The following CNTNAP2 variants were observed in gnomAD, a reference collection of about 807,000 sequenced individuals.
The protein encoded by CNTNAP2 is contactin-associated protein-like 2.
CNTNAP2 carries 98 observed loss-of-function variants against 155.2 expected under a neutral mutation model. The ratio of observed to expected loss-of-function variants is 0.63; its 90% CI spans 0.54 to 0.75. The LOEUF (loss-of-function observed/expected upper bound fraction) is 0.75. Among genes scored for constraint, CNTNAP2 ranks in the 30% least tolerant of loss-of-function variants. The pLI is 0.00. For missense variants in CNTNAP2, 1,727 were observed against 1,688.1 expected, an observed-to-expected ratio of 1.02 and a Z score of -0.40; for synonymous variants, 651 against 631.2, an observed-to-expected ratio of 1.03 and a Z score of -0.47.
intron 15 of CNTNAP2, among the ~76,000 whole-genome samples, chr7:148,035,029 C>A (rs1031184343): frequency 2.0e-5 from 3 of 152,128 alleles, no homozygotes; most frequent in African/African-American, 7.2e-5. Flanking sequence ...ACTCGGATAT[C>A]TGGTGGAAGA....
chr7:148,183,152 G>A (rs1010706922), intron 18 of CNTNAP2, among the ~76,000 whole-genome samples: 4 of 152,300 alleles, frequency 2.6e-5, no homozygotes, highest in African/African-American at 9.6e-5. Context: ...GACTAGGCTG[G>A]GAATGCAATG....
intron 1 of CNTNAP2, among the ~76,000 whole-genome samples, chr7:146,546,703 T>A (rs1463346774): frequency 6.6e-6 from 1 of 151,892 alleles, no homozygotes; most frequent in Non-Finnish European, 1.5e-5. Context: ...AGGGGAGGCC[T>A]CACAATCATG....
intron 21 of CNTNAP2, among the ~76,000 whole-genome samples, chr7:148,330,548 C>G (rs111219426): frequency 4.3e-4 from 51 of 119,572 alleles, no homozygotes; most frequent in African/African-American, 5.3e-4. Flanking sequence ...AGATGGAGTG[C>G]ACGGATGGAT....
At chr7:146,298,296 A>T (rs949277800) in intron 1 of CNTNAP2, among the ~76,000 whole-genome samples, 17 of 152,310 alleles carry the variant, frequency 1.1e-4, no homozygotes, top group African/African-American at 4.1e-4. Context: ...TACTGTTCAC[A>T]GTGCTTGGAG....
intron 10 of CNTNAP2, among the ~76,000 whole-genome samples, chr7:147,412,981 C>T (rs1797129231): frequency 6.6e-6 from 1 of 152,180 alleles, no homozygotes; most frequent in African/African-American, 2.4e-5. Context: ...TGTACACATT[C>T]CAGAGACACT....
intron 1 of CNTNAP2, among the ~76,000 whole-genome samples, chr7:146,584,695 C>T (rs1256358999): frequency 6.6e-6 from 1 of 152,198 alleles, no homozygotes; most frequent in Non-Finnish European, 1.5e-5. Flanking sequence ...CCTGCCCCTA[C>T]ATTTCCCCTG....
Position 147,985,683 on chromosome 7 carries a change from T to C in CNTNAP2, c.2383+7694T>C, listed in dbSNP as rs77999829. On this transcript the variant is annotated intron_variant, in intron 15 of 23. Coordinates refer to ENST00000361727, the MANE Select transcript of CNTNAP2 (RefSeq NM_014141.6). ...TATTTTGGCTCCCCTAACAGTGTAC[T>C]TCTTAAAAGTAAAAACAAAATCTAA... Among the ~76,000 whole-genome samples the C allele has an allele frequency of 1.4e-4, 22 of 152,304 alleles. No individual in the cohort carries two copies. The East Asian group carries it at 4.1e-3, about 28-fold the overall frequency.
At chr7:147,575,704 T>C (rs1382049272) in intron 12 of CNTNAP2, among the ~76,000 whole-genome samples, 3 of 152,012 alleles carry the variant, frequency 2.0e-5, no homozygotes, top group Admixed American at 1.3e-4. Flanking sequence ...TCAAAACACG[T>C]ATTTTAAAAT....
intron 1 of CNTNAP2, among the ~76,000 whole-genome samples, chr7:146,453,710 A>G (rs1052667735): frequency 1.3e-5 from 2 of 152,300 alleles, no homozygotes; most frequent in East Asian, 3.9e-4. Flanking sequence ...ATGAGCGAGC[A>G]TGAAAATTAG....
At chr7:146,174,423 AT>A (rs1341389709) in intron 1 of CNTNAP2, among the ~76,000 whole-genome samples, 2 of 151,902 alleles carry the variant, frequency 1.3e-5, no homozygotes, top group Non-Finnish European at 2.9e-5. Flanking sequence ...GTTTTGCCAT[AT>A]TGGCCAGAGT....
intron 1 of CNTNAP2, among the ~76,000 whole-genome samples, chr7:146,148,985 A>G (rs1368722069): frequency 6.6e-6 from 1 of 151,492 alleles, no homozygotes; most frequent in Admixed American, 6.6e-5. Context: ...GAACAATGAG[A>G]ACACTTGGAC....
At chr7:147,620,840 T>C (rs950221458) in intron 12 of CNTNAP2, among the ~76,000 whole-genome samples, 14 of 151,864 alleles carry the variant, frequency 9.2e-5, no homozygotes, top group African/African-American at 3.1e-4. Flanking sequence ...AAAGGTATAA[T>C]AACAAAACCC....
intron 1 of CNTNAP2, among the ~76,000 whole-genome samples, chr7:146,518,807 G>A (rs1187490118): frequency 1.3e-5 from 2 of 151,794 alleles, no homozygotes; most frequent in Admixed American, 6.6e-5. Context: ...GTAGAAGAGA[G>A]TGGGTAATGT....
intron 21 of CNTNAP2, among the ~76,000 whole-genome samples, chr7:148,346,852 C>T (rs1185299468): frequency 1.3e-5 from 2 of 151,714 alleles, no homozygotes; most frequent in Non-Finnish European, 2.9e-5. Context: ...TAGAAAGATG[C>T]AATAATACTA....
intron 13 of CNTNAP2, among the ~76,000 whole-genome samples, chr7:147,666,661 T>C (rs770614187): frequency 6.6e-6 from 1 of 152,236 alleles, no homozygotes; most frequent in Non-Finnish European, 1.5e-5. Flanking sequence ...GACTGTATCA[T>C]GTTCTTTTGT....
intron 1 of CNTNAP2, among the ~76,000 whole-genome samples, chr7:146,235,722 A>G (rs1799462230): frequency 6.6e-6 from 1 of 151,978 alleles, no homozygotes; most frequent in Non-Finnish European, 1.5e-5. Context: ...AGCCCGTTGG[A>G]AGTCAGGAGT....
At chr7:146,820,319 G>A (rs947844699) in intron 2 of CNTNAP2, among the ~76,000 whole-genome samples, 2 of 151,968 alleles carry the variant, frequency 1.3e-5, no homozygotes, top group South Asian at 2.1e-4. Flanking sequence ...ATGTTTTGAG[G>A]AATTAATAAA....
At chr7:147,875,304 G>A (rs1799404355) in intron 13 of CNTNAP2, among the ~76,000 whole-genome samples, 1 of 152,174 alleles carries the variant, frequency 6.6e-6, no homozygotes. Context: ...CAATCACAGT[G>A]GAAGGGAAAG....
chr7:146,325,290 A>T (rs556664569), intron 1 of CNTNAP2, among the ~76,000 whole-genome samples: 1 of 152,294 alleles, frequency 6.6e-6, no homozygotes, highest in African/African-American at 2.4e-5. Context: ...AGTTTTAAAA[A>T]ATTATAACAT....
Sources: allele counts gnomAD v4.1 joint callset (sites outside exome capture counted in the v4.1 genomes callset), GRCh38; gene constraint gnomAD v4.1.1; transcripts MANE v1.5; gene names NCBI Gene and HGNC (gene_info 2026-07-23, HGNC 2026-07-21).